Variants in ZNF804B observed in about 807,000 individuals in gnomAD.
The protein encoded by ZNF804B is zinc finger protein 804B.
In ZNF804B, 80 loss-of-function variants were observed where a neutral mutation model predicts 101.4. The ratio of observed to expected loss-of-function variants is 0.79; its 90% CI spans 0.66 to 0.95. The LOEUF is 0.95. ZNF804B is among the 40% of genes least tolerant of loss of function. The pLI, the probability that ZNF804B is intolerant of heterozygous loss-of-function variation, is 0.00. For missense variants in ZNF804B, 1,673 were observed against 1,561.9 expected (o/e 1.07, Z -1.20); for synonymous variants, 622 against 558.8 (o/e 1.11, Z -1.59).
chr7:89,309,799 A>C (rs1167073753), intron 2 of ZNF804B, among the ~76,000 whole-genome samples: 1 of 134,456 alleles, frequency 7.4e-6, no homozygotes, highest in Non-Finnish European at 1.6e-5. Flanking sequence ...AAAAAAAAAG[A>C]AGCAGTATGC....
intron 1 of ZNF804B, among the ~76,000 whole-genome samples, chr7:88,878,843 C>T (rs542964038): frequency 1.3e-5 from 2 of 152,118 alleles, no homozygotes; most frequent in African/African-American, 4.8e-5. Context: ...GTGACTTTTC[C>T]AATTAATTTG....
chr7:89,317,786 A>C (rs1790757262), intron 2 of ZNF804B, among the ~76,000 whole-genome samples: 1 of 152,032 alleles, frequency 6.6e-6, no homozygotes, highest in Admixed American at 6.5e-5. Context: ...ACAACCCAAA[A>C]CTCTCAGCTG....
At chr7:88,828,407 A>G (rs1367346859) in intron 1 of ZNF804B, among the ~76,000 whole-genome samples, 2 of 152,064 alleles carry the variant, frequency 1.3e-5, no homozygotes, top group Non-Finnish European at 2.9e-5. Context: ...TTTAAGTGGA[A>G]GAGTCCTTGA....
chr7:89,137,925 CT>C (rs1207846220), intron 1 of ZNF804B, among the ~76,000 whole-genome samples: 1 of 152,042 alleles, frequency 6.6e-6, no homozygotes, highest in Non-Finnish European at 1.5e-5. Flanking sequence ...ATTCTAGGGA[CT>C]TGGTGCCCTG....
intron 1 of ZNF804B, among the ~76,000 whole-genome samples, chr7:89,060,285 A>G (rs993734494): frequency 1.3e-5 from 2 of 152,146 alleles, no homozygotes; most frequent in African/African-American, 4.8e-5. Context: ...GGTACTGGGA[A>G]AGCTGAATAT....
rs890999950 is a variant in ZNF804B at position 89,181,520 on chromosome 7, C to A, written c.109-36635C>A. Among the ~76,000 whole-genome samples, 15 of 152,274 alleles carry A rather than the reference C, an allele frequency of 9.9e-5. No homozygotes were observed. The East Asian group carries it at 2.9e-3, about 29-fold the overall frequency. On this transcript the variant is annotated intron_variant, in intron 1 of 3. Transcript: ENST00000333190. ...TCCCACGGTCCCTGCAGTCTCCCTT[C>A]CCCAAGCACACAGATTATTTCTTCG...
chr7:89,222,586 C>G (rs1309529744), intron 2 of ZNF804B, among the ~76,000 whole-genome samples: 1 of 151,950 alleles, frequency 6.6e-6, no homozygotes, highest in African/African-American at 2.4e-5. Flanking sequence ...TTCTGCAAAT[C>G]CAGAATTTCC....
intron 1 of ZNF804B, among the ~76,000 whole-genome samples, chr7:88,798,525 A>C (rs1028802263): frequency 6.6e-6 from 1 of 152,084 alleles, no homozygotes; most frequent in Non-Finnish European, 1.5e-5. Context: ...GGATGGTTTG[A>C]CATCTTTATT....
intron 2 of ZNF804B, among the ~76,000 whole-genome samples, chr7:89,280,882 G>A (rs1759253337): frequency 6.6e-6 from 1 of 151,944 alleles, no homozygotes; most frequent in Non-Finnish European, 1.5e-5. Context: ...AGAAAAAGAG[G>A]GAATCCTCCC....
chr7:88,971,810 A>G (rs1793541554), intron 1 of ZNF804B, among the ~76,000 whole-genome samples: 1 of 151,580 alleles, frequency 6.6e-6, no homozygotes, highest in African/African-American at 2.4e-5. Context: ...ATTTCCTTCT[A>G]GCAGAATGTG....
intron 2 of ZNF804B, among the ~76,000 whole-genome samples, chr7:89,283,341 G>T (rs1239706553): frequency 2.0e-5 from 3 of 152,104 alleles, no homozygotes; most frequent in African/African-American, 7.2e-5. Flanking sequence ...TAAGCATCAG[G>T]TGGTTCCAAT....
At chr7:89,045,538 C>T (rs1222059820) in intron 1 of ZNF804B, among the ~76,000 whole-genome samples, 2 of 152,216 alleles carry the variant, frequency 1.3e-5, no homozygotes, top group Non-Finnish European at 2.9e-5. Flanking sequence ...AGGGGTGGAG[C>T]TTCTCAAGGT....
chr7:89,208,284 A>G (rs1450518696), intron 1 of ZNF804B, among the ~76,000 whole-genome samples: 2 of 152,008 alleles, frequency 1.3e-5, no homozygotes, highest in Non-Finnish European at 1.5e-5. Flanking sequence ...GTGTTTCACC[A>G]TGTTAGCCAG....
At chr7:88,999,822 A>G (rs1409401759) in intron 1 of ZNF804B, among the ~76,000 whole-genome samples, 1 of 151,946 alleles carries the variant, frequency 6.6e-6, no homozygotes, top group Non-Finnish European at 1.5e-5. Flanking sequence ...TAAATAAAAC[A>G]TTTATTTCCA....
At chr7:89,332,780 G>A (rs1292772529) in intron 3 of ZNF804B, among the ~76,000 whole-genome samples, 1 of 151,750 alleles carries the variant, frequency 6.6e-6, no homozygotes, top group East Asian at 1.9e-4. Flanking sequence ...TAGATAGATT[G>A]TACATATGTC....
At chr7:88,890,331 G>A (rs1286998112) in intron 1 of ZNF804B, among the ~76,000 whole-genome samples, 2 of 152,130 alleles carry the variant, frequency 1.3e-5, no homozygotes, top group African/African-American at 4.8e-5. Flanking sequence ...TAAATCTCCT[G>A]TAAGTATTTG....
chr7:89,271,685 A>T (rs1789898846), intron 2 of ZNF804B, among the ~76,000 whole-genome samples: 1 of 152,132 alleles, frequency 6.6e-6, no homozygotes, highest in South Asian at 2.1e-4. Flanking sequence ...TTCGGCTGTG[A>T]ATCCGTCTGG....
At position 89,327,365 on chromosome 7, in the gene ZNF804B, C is replaced by G. The variant is rs767801363; in HGVS notation, c.271C>G (p.Arg91Gly). 3 of 1,605,372 alleles carry G rather than the reference C, an allele frequency of 1.9e-6. No homozygotes were observed. The highest frequency in any genetic ancestry group is 2.7e-5 in the African/African-American group (2 of 74,218). Residue 91 changes from arginine (R) to glycine (G), a missense_variant, in exon 3 of 4, where the codon CGG (arginine) becomes GGG (glycine). Physicochemically the swap from Arg to Gly is moderately radical, Grantham distance 125. Coordinates refer to ENST00000333190, the MANE Select transcript of ZNF804B (RefSeq NM_181646.5). ...HKQRLKELKQ[R>G]EFARNVASKS... ...CAAGAGACTGAAAGAATTAAAGCAA[C>G]GGGAATTTGCTCGAAATGTAGCTTC...
intron 2 of ZNF804B, among the ~76,000 whole-genome samples, chr7:89,306,586 A>G (rs1012995776): frequency 6.6e-6 from 1 of 152,056 alleles, no homozygotes; most frequent in Non-Finnish European, 1.5e-5. Context: ...CTGATACTTT[A>G]GCACTGAGTT....
Sources: allele counts gnomAD v4.1 joint callset (sites outside exome capture counted in the v4.1 genomes callset), GRCh38; gene constraint gnomAD v4.1.1; transcripts MANE v1.5; gene names NCBI Gene and HGNC (gene_info 2026-07-23, HGNC 2026-07-21).